RTF1: variants seen among roughly 807,000 people sequenced by gnomAD.
RTF1 encodes RTF1 homolog, Paf1/RNA polymerase II complex component, also known as RNA polymerase-associated protein RTF1 homolog.
Under a neutral mutation model 95.7 loss-of-function variants are expected in RTF1, and 10 were observed. The ratio of observed to expected loss-of-function variants is 0.10; its 90% confidence interval spans 0.06 to 0.18. The LOEUF is 0.18. Ranked by LOEUF, RTF1 falls within the 10% of genes least tolerant of loss-of-function variation. The probability of loss-of-function intolerance (pLI) is 1.00; values close to 1 mark genes in which losing one functional copy is unlikely to be tolerated. For synonymous variants in RTF1, 305 were observed against 311.8 expected (o/e 0.98, Z 0.23); for missense variants, 458 against 875.6 (o/e 0.52, Z 6.02).
At position 41,418,170 on chromosome 15, in the gene RTF1, T is replaced by C. The variant is rs144354158; in HGVS notation, c.198+857T>C. ...ACATTGTAGGGAGGAATCTGCTCTT[T>C]GTAGCAGTGCTCTAGTGATACCAGG... On this transcript the variant is annotated intron_variant, in intron 1 of 17. Transcript: ENST00000389629. Among the ~76,000 whole-genome samples the C allele has an allele frequency of 5.3e-5, 8 of 152,342 alleles. No individual in the cohort carries two copies. In the East Asian group the frequency reaches 1.5e-3, roughly 29 times the overall value.
intron 6 of RTF1, among the ~76,000 whole-genome samples, chr15:41,469,629 G>A (rs547677560): frequency 6.6e-5 from 10 of 151,820 alleles, no homozygotes; most frequent in African/African-American, 2.2e-4. Flanking sequence ...GGGTTCAAGC[G>A]ATTCTCCTGC....
At chr15:41,432,270 C>T (rs1241030115) in intron 1 of RTF1, among the ~76,000 whole-genome samples, 1 of 151,278 alleles carries the variant, frequency 6.6e-6, no homozygotes, top group East Asian at 2.0e-4. Context: ...CAATCTCGGC[C>T]CACTGCAAGT....
intron 1 of RTF1, among the ~76,000 whole-genome samples, chr15:41,418,779 C>T (rs766791948): frequency 8.5e-5 from 9 of 105,748 alleles, no homozygotes; most frequent in Non-Finnish European, 1.1e-4. Context: ...AGCGAAACTC[C>T]ATCACAAAAA....
intron 4 of RTF1, among the ~76,000 whole-genome samples, chr15:41,459,430 C>T (rs1164232349): frequency 3.9e-5 from 6 of 152,082 alleles, no homozygotes; most frequent in African/African-American, 9.7e-5. Context: ...AAGATCAGTA[C>T]GTGATTTGAT....
chr15:41,470,204 A>G (rs911708164), intron 6 of RTF1, 53 bp from the exon 7 acceptor site: 3 of 1,583,972 alleles, frequency 1.9e-6, no homozygotes, highest in Non-Finnish European at 1.7e-6. Context: ...TTCAAGGATG[A>G]ATTCATTTTC....
At chr15:41,426,135 T>A (rs531113298) in intron 1 of RTF1, among the ~76,000 whole-genome samples, 72 of 150,110 alleles carry the variant, frequency 4.8e-4, no homozygotes, top group African/African-American at 9.5e-4. Context: ...AAAAAAAAAA[T>A]TTTTTTTGGA....
At chr15:41,480,101 A>C (rs1424033051) in intron 16 of RTF1, 113 bp from the exon 17 acceptor site, 1 of 675,672 alleles carries the variant, frequency 1.5e-6, no homozygotes, top group African/African-American at 1.8e-5. Context: ...AAGGGGCCTT[A>C]GTAGGAAAAT....
At chr15:41,444,196 A>G (rs1307312768) in intron 2 of RTF1, among the ~76,000 whole-genome samples, 1 of 151,990 alleles carries the variant, frequency 6.6e-6, no homozygotes, top group Non-Finnish European at 1.5e-5. Flanking sequence ...ACCTAACCTC[A>G]GGAGGTCAAG....
intron 2 of RTF1, among the ~76,000 whole-genome samples, chr15:41,444,576 T>C (rs1234769780): frequency 6.6e-6 from 1 of 152,180 alleles, no homozygotes; most frequent in East Asian, 1.9e-4. Flanking sequence ...ATTACAGGCG[T>C]GACCATCGCG....
chr15:41,423,613 C>A (rs1488126428), intron 1 of RTF1, among the ~76,000 whole-genome samples: 1 of 152,112 alleles, frequency 6.6e-6, no homozygotes, highest in Non-Finnish European at 1.5e-5. Flanking sequence ...AGATGATCCA[C>A]CCACCTCGGC....
chr15:41,442,667 C>T (rs2050741675), intron 2 of RTF1, among the ~76,000 whole-genome samples: 1 of 152,148 alleles, frequency 6.6e-6, no homozygotes, highest in East Asian at 1.9e-4. Flanking sequence ...AGGTAGATCA[C>T]TTGAGGTCAG....
intron 1 of RTF1, among the ~76,000 whole-genome samples, chr15:41,431,803 C>CTT (rs112428098): frequency 3.5e-5 from 5 of 144,020 alleles, no homozygotes; most frequent in South Asian, 2.2e-4. Flanking sequence ...CTGGCTCATA[C>CTT]TTTTTTTTTT....
intron 2 of RTF1, among the ~76,000 whole-genome samples, chr15:41,442,258 C>T (rs2050739545): frequency 6.6e-6 from 1 of 151,354 alleles, no homozygotes; most frequent in African/African-American, 2.4e-5. Flanking sequence ...AGCTCTGCCT[C>T]CCGGGTTCAC....
intron 11 of RTF1, 146 bp from the exon 12 acceptor site, chr15:41,476,300 G>T (rs1055869249): frequency 1.4e-5 from 9 of 623,004 alleles, no homozygotes; most frequent in African/African-American, 5.5e-5. Flanking sequence ...GAATGAACCC[G>T]CTCTCTCTCT....
intron 2 of RTF1, among the ~76,000 whole-genome samples, chr15:41,450,360 GGT>G (rs1156923323): frequency 6.7e-6 from 1 of 149,256 alleles, no homozygotes; most frequent in East Asian, 2.0e-4. Context: ...GGGAGTCCAA[GGT>G]CCAGCCTGAG....
At chr15:41,478,494 G>C (rs1278635832) in intron 14 of RTF1, 54 bp from the exon 15 acceptor site, 1 of 1,319,984 alleles carries the variant, frequency 7.6e-7, no homozygotes, top group Admixed American at 1.7e-5. Flanking sequence ...AGCTTATGGT[G>C]AATGAGAGGA....
At chr15:41,471,518 C>T (rs1300389350) in intron 8 of RTF1, among the ~76,000 whole-genome samples, 169 bp downstream of exon 8, 1 of 152,186 alleles carries the variant, frequency 6.6e-6, no homozygotes, top group Non-Finnish European at 1.5e-5. Context: ...TCCTTCATGA[C>T]TTGTTGCCAA....
At chr15:41,460,418 C>G (rs188722778) in intron 4 of RTF1, among the ~76,000 whole-genome samples, 1 of 151,980 alleles carries the variant, frequency 6.6e-6, no homozygotes, top group Non-Finnish European at 1.5e-5. Context: ...CCACCGCGCT[C>G]GGCTTCAACA....
rs537621618 is a variant in RTF1 at position 41,421,862 on chromosome 15, C to T, written c.198+4549C>T. ...AGTAGCTGGGACTACAGGTGTGCAC[C>T]ACCACACCCAGCTAATTTTTAAAAT... On this transcript the variant is annotated intron_variant, in intron 1 of 17. Transcript: ENST00000389629. Among the ~76,000 whole-genome samples the T allele has an allele frequency of 5.4e-4, 82 of 151,864 alleles. 3 individuals carry two copies. The South Asian group carries it at 0.016, about 30-fold the overall frequency.
Sources: allele counts gnomAD v4.1 joint callset (sites outside exome capture counted in the v4.1 genomes callset), GRCh38; gene constraint gnomAD v4.1.1; transcripts MANE v1.5; gene names NCBI Gene and HGNC (gene_info 2026-07-23, HGNC 2026-07-21).